BLTP1: variants seen among roughly 807,000 people sequenced by gnomAD.
The protein encoded by BLTP1 is fragile site-associated protein.
chr4:122,199,305 G>A, the BLTP1 span: 13 of 1,592,308 alleles, frequency 8.2e-6, no homozygotes, highest in Admixed American at 2.2e-4. Context: ...GTCCAAAGAT[G>A]TTTCATTTTG....
At chr4:122,154,010 T>A in the BLTP1 span, 35 of 985,164 alleles carry the variant, frequency 3.6e-5, 1 homozygote, top group South Asian at 1.4e-3. Flanking sequence ...TTAGTTAAAA[T>A]GCCATACTTT....
At chr4:122,250,469 C>G in the BLTP1 span, 1 of 1,613,684 alleles carries the variant, frequency 6.2e-7, no homozygotes, top group Non-Finnish European at 8.5e-7. Context: ...TTCTGATTCT[C>G]CAACCGGCAG....
the BLTP1 span, chr4:122,256,914 T>C: frequency 4.8e-6 from 1 of 207,950 alleles, no homozygotes; most frequent in East Asian, 1.8e-4. Context: ...AAATGCATTT[T>C]GATTCTTCAC....
At chr4:122,224,681 T>C in the BLTP1 span, 1 of 1,614,038 alleles carries the variant, frequency 6.2e-7, no homozygotes, top group African/African-American at 1.3e-5. Context: ...ACCACAGGTA[T>C]GGTTTTCAGA....
chr4:122,154,101 A>G, the BLTP1 span: 1 of 985,054 alleles, frequency 1.0e-6, no homozygotes, highest in East Asian at 1.1e-4. Flanking sequence ...CAAACTCTGG[A>G]AAAAAACTTG....
chr4:122,342,676 G>A, the BLTP1 span, among the ~76,000 whole-genome samples: 5 of 152,066 alleles, frequency 3.3e-5, no homozygotes, highest in African/African-American at 1.2e-4. Context: ...TTTCATGGAA[G>A]TATTCATTTA....
chr4:122,226,991 AGTTTT>A, the BLTP1 span: 11 of 604,892 alleles, frequency 1.8e-5, no homozygotes, highest in African/African-American at 3.9e-5. Flanking sequence ...TACCCATTTT[AGTTTT>A]AAGTATCTAA....
At chr4:122,278,559 G>A in the BLTP1 span, among the ~76,000 whole-genome samples, 23 of 152,278 alleles carry the variant, frequency 1.5e-4, no homozygotes, top group Admixed American at 6.5e-4. Context: ...CTCTTAATAA[G>A]CAGATGTTAT....
the BLTP1 span, chr4:122,339,358 A>G: frequency 1.2e-6 from 2 of 1,613,388 alleles, no homozygotes; most frequent in East Asian, 2.2e-5. Flanking sequence ...CCTGGAGGTA[A>G]TGCTACTCAG....
At chr4:122,187,552 T>TA in the BLTP1 span, 1 of 1,568,194 alleles carries the variant, frequency 6.4e-7, no homozygotes, top group Non-Finnish European at 8.6e-7. Flanking sequence ...CATGGGGTAG[T>TA]AATGTAGAAC....
At chr4:122,226,616 A>G in the BLTP1 span, 2 of 1,558,210 alleles carry the variant, frequency 1.3e-6, no homozygotes, top group Non-Finnish European at 1.7e-6. Flanking sequence ...GGTTCTTTCA[A>G]GCTACGTTAA....
the BLTP1 span, among the ~76,000 whole-genome samples, chr4:122,239,264 G>T: frequency 2.0e-5 from 3 of 152,102 alleles, no homozygotes; most frequent in Non-Finnish European, 2.9e-5. Flanking sequence ...ATGGATAGAA[G>T]ATTACATTCT....
At chr4:122,325,335 A>C in the BLTP1 span, 4 of 1,593,828 alleles carry the variant, frequency 2.5e-6, no homozygotes, top group African/African-American at 5.4e-5. Flanking sequence ...GAGATATATA[A>C]TTTGTTAGAG....
the BLTP1 span, among the ~76,000 whole-genome samples, chr4:122,217,821 G>T: frequency 1.3e-5 from 2 of 152,100 alleles, no homozygotes; most frequent in Non-Finnish European, 2.9e-5. Flanking sequence ...ATAGAATTCA[G>T]CTGTGAATCC....
At chr4:122,250,448 T>C in the BLTP1 span, 4 of 1,613,888 alleles carry the variant, frequency 2.5e-6, no homozygotes, top group Non-Finnish European at 1.7e-6. Flanking sequence ...AGTGCTGACA[T>C]CCAATAATTC....
chr4:122,238,362 C>G, the BLTP1 span: 1 of 1,608,438 alleles, frequency 6.2e-7, no homozygotes, highest in Non-Finnish European at 8.5e-7. Context: ...TCAGTATTCA[C>G]TTAGATTTAG....
chr4:122,314,496 T>C, the BLTP1 span, among the ~76,000 whole-genome samples: 1 of 152,110 alleles, frequency 6.6e-6, no homozygotes, highest in East Asian at 1.9e-4. Context: ...TAGCACAATA[T>C]AAATTTTTAT....
chr4:122,223,271 C>G, the BLTP1 span: 2 of 262,670 alleles, frequency 7.6e-6, no homozygotes, highest in Non-Finnish European at 1.2e-5. Flanking sequence ...AAGACTGTTT[C>G]CCAACATATA....
At chr4:122,269,085 ACT>A in the BLTP1 span, 1 of 965,698 alleles carries the variant, frequency 1.0e-6, no homozygotes, top group Non-Finnish European at 1.2e-6. Flanking sequence ...ACCTACACAT[ACT>A]CTCTAGGGTT....
Sources: allele counts gnomAD v4.1 joint callset (sites outside exome capture counted in the v4.1 genomes callset), GRCh38; gene constraint gnomAD v4.1.1; transcripts MANE v1.5; gene names NCBI Gene and HGNC (gene_info 2026-07-23, HGNC 2026-07-21).